The following MOV10L1 variants were observed in gnomAD, a reference collection of about 807,000 sequenced individuals.
MOV10L1 encodes RNA helicase Mov10l1.
Under a neutral mutation model 143.8 loss-of-function variants are expected in MOV10L1, and 110 were observed. The observed-to-expected ratio is 0.76, with a 90% CI of 0.66 to 0.90. The LOEUF is 0.90. MOV10L1 is among the 40% of genes least tolerant of loss of function. MOV10L1 has a pLI of 0.00. For synonymous variants in MOV10L1, 593 were observed against 581.1 expected (o/e 1.02, Z -0.29); for missense variants, 1,406 against 1,526.8 (o/e 0.92, Z 1.32).
At position 50,120,616 on chromosome 22, in the gene MOV10L1, G is replaced by A. The variant is rs776503816; in HGVS notation, c.1569G>A (p.Glu523=). The change falls in exon 10 of 27, where the codon GAG becomes GAA. Residue 523 remains glutamate (E), a splice_region_variant and synonymous_variant. Transcript: ENST00000262794. ...DILTFQPLLA[E]LLNMSNYKEK... ...TGACTTTCCAGCCATTACTTGCAGA[G>A]GTAGGAAGTGTCTCATGGCCTGTGG... 2.5e-6 allele frequency: 4 copies of A among 1,596,250 alleles called. No homozygotes were observed. The highest frequency in any genetic ancestry group is 2.2e-5 in the East Asian group (1 of 44,782).
At position 50,106,285 on chromosome 22, in the gene MOV10L1, G is replaced by C. The variant is rs143638711; in HGVS notation, c.443-1851G>C. Among the ~76,000 whole-genome samples, 1,034 of 150,276 alleles carry C rather than the reference G, an allele frequency of 6.9e-3. 11 individuals carry two copies. Among genetic ancestry groups the C allele is most frequent in the Middle Eastern group, 0.035 (10 of 288 alleles). ...TCATCCCACCTTAGCCTCGTGAGTA[G>C]CTGGGACTTCAGGCTCATGCCACCA... On this transcript the variant is annotated intron_variant, in intron 3 of 26. Transcript: ENST00000262794.
chr22:50,153,568 C>G (rs1195699396), intron 22 of MOV10L1, among the ~76,000 whole-genome samples: 3 of 152,164 alleles, frequency 2.0e-5, no homozygotes, highest in Non-Finnish European at 4.4e-5. Context: ...CCGCAGGAAG[C>G]TCCCAGAGGC....
Position 50,107,822 on chromosome 22 carries a change from A to G in MOV10L1, c.443-314A>G, listed in dbSNP as rs371629620. 3.9e-5 allele frequency among the ~76,000 whole-genome samples: 6 copies of G among 152,290 alleles called. No homozygotes were observed. The East Asian group carries it at 9.6e-4, about 24-fold the overall frequency. The stretch of plus-strand genomic sequence containing the variant: ...GACAGGGAGGTGCCACAAACACTGC[A>G]GGACGGGGGAAGGGGGATGCCACCT... On this transcript the variant is annotated intron_variant, in intron 3 of 26. Coordinates refer to ENST00000262794, the MANE Select transcript of MOV10L1 (RefSeq NM_018995.3).
intron 15 of MOV10L1, among the ~76,000 whole-genome samples, chr22:50,138,866 G>A (rs2062904865): frequency 6.6e-6 from 1 of 152,054 alleles, no homozygotes; most frequent in African/African-American, 2.4e-5. Flanking sequence ...ACCACACCCT[G>A]CTAATTTTTG....
intron 18 of MOV10L1, among the ~76,000 whole-genome samples, chr22:50,144,834 G>T (rs567199148): frequency 6.6e-6 from 1 of 152,176 alleles, no homozygotes; most frequent in Non-Finnish European, 1.5e-5. Context: ...GCCCGCCTCG[G>T]CCTCCCAAAG....
chr22:50,099,593 G>A lies in MOV10L1; in HGVS notation c.433G>A (p.Val145Met). Reference sequence around the variant, plus strand: ...GACCACCTACTTCTCTCTGGAGAGTGTGTGCGAAGGTATGCTCAGGGGTCT... The same window carrying A: ...GACCACCTACTTCTCTCTGGAGAGTATGTGCGAAGGTATGCTCAGGGGTCT... ...SQTTYFSLES[V>M]CEGFEPCKGD... Residue 145 changes from valine to methionine, a missense_variant, in exon 3 of 27, where the codon GTG becomes ATG. Physicochemically the swap from Val to Met is conservative, Grantham distance 21 (BLOSUM62 1). Coordinates refer to ENST00000262794, the MANE Select transcript of MOV10L1 (RefSeq NM_018995.3). 2 of 1,608,834 alleles carry A rather than the reference G, an allele frequency of 1.2e-6. No individual in the cohort carries two copies. Among genetic ancestry groups the A allele is most frequent in the Non-Finnish European group, 1.7e-6 (2 of 1,175,578 alleles).
At chr22:50,134,761 C>A in intron 15 of MOV10L1, 131 bp downstream of exon 15, 1 of 733,438 alleles carries the variant, frequency 1.4e-6, no homozygotes, top group Non-Finnish European at 2.3e-6. Flanking sequence ...ACTGTCTACA[C>A]AGGGGGTGGG....
intron 9 of MOV10L1, among the ~76,000 whole-genome samples, chr22:50,118,962 TG>T (rs2062258028): frequency 6.6e-6 from 1 of 152,268 alleles, no homozygotes; most frequent in Middle Eastern, 3.4e-3. Context: ...ATCAAGGGGC[TG>T]TAGGGATGTA....
chr22:50,136,474 A>T (rs538663070), intron 15 of MOV10L1, among the ~76,000 whole-genome samples: 446 of 152,346 alleles, frequency 2.9e-3, no homozygotes, highest in Non-Finnish European at 5.0e-3. Context: ...AATCAGACAA[A>T]CTATATGGAA....
intron 3 of MOV10L1, among the ~76,000 whole-genome samples, chr22:50,103,984 T>C (rs1256294412): frequency 2.0e-5 from 3 of 152,150 alleles, no homozygotes; most frequent in African/African-American, 7.2e-5. Context: ...CACCATAACA[T>C]GGAATCAGTG....
chr22:50,148,986 C>T (rs554636863), intron 19 of MOV10L1, among the ~76,000 whole-genome samples: 4 of 152,324 alleles, frequency 2.6e-5, no homozygotes, highest in East Asian at 3.9e-4. Context: ...TTAATGGTGC[C>T]GCAGATTGGG....
intron 3 of MOV10L1, among the ~76,000 whole-genome samples, chr22:50,102,842 G>A (rs371093654): frequency 2.2e-4 from 34 of 152,126 alleles, no homozygotes; most frequent in African/African-American, 6.5e-4. Flanking sequence ...CAGAGGTTGC[G>A]GTGAGCCAAG....
rs2062395498 is a variant in MOV10L1 at position 50,090,333 on chromosome 22, C to T, written c.97+148C>T. On this transcript the variant is annotated intron_variant, in intron 1 of 26. Coordinates refer to ENST00000262794, the MANE Select transcript of MOV10L1 (RefSeq NM_018995.3). ...CCTCATCTCCGCTGGCGGGGATCCC[C>T]GTTCGCCTCAGGAGGCTTCCGACCC... The T allele has an allele frequency of 4.7e-6, 7 of 1,483,258 alleles. No homozygotes were observed. In the East Asian group the frequency reaches 9.9e-5, roughly 21 times the overall value. The allele number at this position is 1,483,258 out of a possible 1,614,324, so 91.9% of individuals were successfully genotyped here.
chr22:50,158,514 A>C lies in MOV10L1; in HGVS notation c.3216+308A>C. 3.1e-6 allele frequency: 1 copy of C among 320,634 alleles called. No individual in the cohort carries two copies. Among genetic ancestry groups the C allele is most frequent in the Non-Finnish European group, 5.8e-6 (1 of 173,342 alleles). 19.9% of individuals were successfully genotyped at this position (320,634 alleles called of 1,614,324 possible). ...AAACATTTGCCAACCCCCAGCTCTAACCCAGTGTTTCTCAAAGGGGGCACT... is the reference window on the plus strand; with the variant it reads ...AAACATTTGCCAACCCCCAGCTCTACCCCAGTGTTTCTCAAAGGGGGCACT... On this transcript the variant is annotated intron_variant, in intron 23 of 26. Transcript: ENST00000262794. The surrounding 1 kb of genome is among the most constrained non-coding windows in gnomAD (Gnocchi z 5.0).
rs1464955113 is a variant in MOV10L1 at position 50,108,833 on chromosome 22, A to G, written c.732A>G (p.Leu244=). The G allele has an allele frequency of 1.9e-6, 3 of 1,613,938 alleles. No individual in the cohort carries two copies. The African/African-American group carries it at 4.0e-5, about 22-fold the overall frequency. Residue 244 remains leucine (L), a synonymous_variant, in exon 5 of 27, where the codon CTA becomes CTG. Coordinates refer to ENST00000262794, the MANE Select transcript of MOV10L1 (RefSeq NM_018995.3). The part of the protein sequence containing the change: ...CYVWRALCMT[L]VKRRDAAPVH... ...TCTGGAGGGCACTTTGTATGACCCT[A>G]GTGAAGAGGCGGTAAGAAAATGCTT... is the stretch of plus-strand genomic sequence containing the variant.
At chr22:50,146,789 G>T (rs1232965616) in intron 19 of MOV10L1, among the ~76,000 whole-genome samples, 1 of 152,194 alleles carries the variant, frequency 6.6e-6, no homozygotes, top group Non-Finnish European at 1.5e-5. Flanking sequence ...GCGTGTCACG[G>T]ATGGTTTCAT....
At position 50,150,884 on chromosome 22, in the gene MOV10L1, A is replaced by G; in HGVS notation, c.2877A>G (p.Ala959=). ...RDENAFGACG[A]HNPLLVTKLV... ...AAAATGCTTTCGGTGCTTGTGGCGC[A>G]CATAATCCCCTGTTGGTGAGTCACA... The change falls in exon 21 of 27, where the codon GCA becomes GCG. Residue 959 remains alanine (A), a synonymous_variant. Coordinates refer to ENST00000262794, the MANE Select transcript of MOV10L1 (RefSeq NM_018995.3). The G allele has an allele frequency of 1.1e-5, 18 of 1,614,188 alleles. No individual in the cohort carries two copies. The highest frequency in any genetic ancestry group is 2.2e-5 in the East Asian group (1 of 44,890).
rs1312989810 is a variant in MOV10L1 at position 50,099,535 on chromosome 22, T to C, written c.375T>C (p.Thr125=). ...CGPRVLIGCV[T]SLVEGAGCIS... is the part of the protein sequence containing the mutation. ...CCCGAGTGTTGATTGGCTGTGTGAC[T>C]TCCCTGGTGGAGGGCGCAGGCTGTA... The change falls in exon 3 of 27, where the codon ACT becomes ACC. Residue 125 remains threonine, a synonymous_variant. Coordinates refer to ENST00000262794, the MANE Select transcript of MOV10L1 (RefSeq NM_018995.3). The C allele has an allele frequency of 6.2e-7, 1 of 1,614,124 alleles. No homozygotes were observed. The highest frequency in any genetic ancestry group is 1.3e-5 in the African/African-American group (1 of 74,948).
intron 20 of MOV10L1, 55 bp downstream of exon 20, chr22:50,149,769 G>C (rs570102322): frequency 6.7e-7 from 1 of 1,502,778 alleles, no homozygotes; most frequent in African/African-American, 1.4e-5. Context: ...CTCCTGAGGG[G>C]ATGCAGGCTG....
Sources: allele counts gnomAD v4.1 joint callset (sites outside exome capture counted in the v4.1 genomes callset), GRCh38; gene constraint gnomAD v4.1.1; non-coding constraint Gnocchi (gnomAD v3.1); transcripts MANE v1.5; gene names NCBI Gene and HGNC (gene_info 2026-07-23, HGNC 2026-07-21).